Variants in LRBA observed in about 807,000 individuals in gnomAD.
LRBA encodes LPS responsive beige-like anchor protein.
LRBA carries 176 observed loss-of-function variants against 330.0 expected under a neutral mutation model. The observed-to-expected ratio is 0.53, with a 90% CI of 0.47 to 0.60. The LOEUF is 0.60. Ranked by LOEUF, LRBA falls within the 20% of genes least tolerant of loss-of-function variation. The pLI, the probability that LRBA is intolerant of heterozygous loss-of-function variation, is 0.00. For synonymous variants in LRBA, 1,230 were observed against 1,193.0 expected (o/e 1.03, Z -0.64); for missense variants, 3,259 against 3,444.8 (o/e 0.95, Z 1.35).
intron 40 of LRBA, among the ~76,000 whole-genome samples, chr4:150,516,639 T>A (rs999897964): frequency 6.6e-6 from 1 of 152,018 alleles, no homozygotes; most frequent in African/African-American, 2.4e-5. Flanking sequence ...TCCAGCATTT[T>A]AAAAATGCTG....
chr4:150,533,215 C>T (rs1254308617), intron 40 of LRBA, among the ~76,000 whole-genome samples: 2 of 152,110 alleles, frequency 1.3e-5, no homozygotes, highest in Non-Finnish European at 2.9e-5. Flanking sequence ...GACAGGGTCT[C>T]AGTCACCCAG....
At chr4:150,708,386 A>T (rs1372661633) in intron 36 of LRBA, among the ~76,000 whole-genome samples, 1 of 151,834 alleles carries the variant, frequency 6.6e-6, no homozygotes, top group Admixed American at 6.6e-5. Flanking sequence ...TTATCTTTTC[A>T]ATAATTCACT....
intron 34 of LRBA, among the ~76,000 whole-genome samples, chr4:150,763,767 G>T (rs1415749138): frequency 1.3e-5 from 2 of 151,790 alleles, no homozygotes; most frequent in Non-Finnish European, 2.9e-5. Flanking sequence ...CACAAGAACA[G>T]TAGAACAGGA....
At chr4:150,312,897 CAAGT>C (rs942962535) in intron 51 of LRBA, among the ~76,000 whole-genome samples, 3 of 151,966 alleles carry the variant, frequency 2.0e-5, no homozygotes, top group East Asian at 1.9e-4. Flanking sequence ...TCTATAAAAA[CAAGT>C]AAGATAGACC....
chr4:150,984,584 C>T (rs1741221232), intron 2 of LRBA, among the ~76,000 whole-genome samples: 2 of 152,114 alleles, frequency 1.3e-5, no homozygotes, highest in Non-Finnish European at 2.9e-5. Context: ...TCTTAATTGA[C>T]ATGCCATCTG....
rs1171597119 is a variant in LRBA at position 150,583,990 on chromosome 4, C to G, written c.6330+4058G>C. On this transcript the variant is annotated intron_variant, in intron 40 of 56. Coordinates refer to ENST00000651943, the MANE Select transcript of LRBA (RefSeq NM_001364905.1). This position sits in a 1 kb window ranked among gnomAD's most constrained non-coding sequence, Gnocchi z 9.8. ...GTGCCGCCGCTGCCCTCACTACTTT[C>G]TGCCCAACCTCGACCTCTTTCAGGG... 5.6e-6 allele frequency: 9 copies of G among 1,614,062 alleles called. No individual in the cohort carries two copies. The highest frequency in any genetic ancestry group is 7.6e-6 in the Non-Finnish European group (9 of 1,180,024).
intron 17 of LRBA, among the ~76,000 whole-genome samples, chr4:150,888,020 G>A (rs1025830824): frequency 1.3e-5 from 2 of 151,756 alleles, no homozygotes; most frequent in Non-Finnish European, 2.9e-5. Flanking sequence ...TTGAAAGCAA[G>A]TGCAGAAATC....
At chr4:150,685,754 C>CTCCCTA (rs1232267785) in intron 36 of LRBA, among the ~76,000 whole-genome samples, 34 of 151,822 alleles carry the variant, frequency 2.2e-4, no homozygotes, top group Admixed American at 9.2e-4. Context: ...ATATCTTAGT[C>CTCCCTA]TGTGCAAAAC....
Position 150,849,491 on chromosome 4 carries a change from T to G in LRBA, c.4089A>C (p.Gln1363His), listed in dbSNP as rs1312898768. The change falls in exon 25 of 57, where the codon CAA (glutamine) becomes CAC (histidine). Residue 1363 changes from glutamine to histidine, a missense_variant. Coordinates refer to ENST00000651943, the MANE Select transcript of LRBA (RefSeq NM_001364905.1). ...AAGCCATGACCATATTGTCCATCACTTGAGAGATGAGATGAATTGTGTTGT... is the reference window on the plus strand; with the variant it reads ...AAGCCATGACCATATTGTCCATCACGTGAGAGATGAGATGAATTGTGTTGT... ...FVHNTIHLISQVMDNMVMACG... is the reference protein window; with the variant it reads ...FVHNTIHLISHVMDNMVMACG... 2 of 1,613,346 alleles carry G rather than the reference T, an allele frequency of 1.2e-6. No individual in the cohort carries two copies. The highest frequency in any genetic ancestry group is 1.7e-6 in the Non-Finnish European group (2 of 1,179,292).
intron 40 of LRBA, among the ~76,000 whole-genome samples, chr4:150,508,129 T>TGA (rs1761350616): frequency 6.9e-6 from 1 of 144,532 alleles, no homozygotes; most frequent in Non-Finnish European, 1.5e-5. Flanking sequence ...TAATGCTAAA[T>TGA]GACGAGTTAA....
chr4:150,801,861 A>G (rs1414075264), intron 33 of LRBA, among the ~76,000 whole-genome samples: 1 of 152,088 alleles, frequency 6.6e-6, no homozygotes, highest in East Asian at 1.9e-4. Context: ...TGAGACTGCA[A>G]GTTTATACTT....
At chr4:151,015,055 C>T (rs373357344) in intron 1 of LRBA, 147 bp downstream of exon 1, 20 of 166,396 alleles carry the variant, frequency 1.2e-4, no homozygotes, top group African/African-American at 4.7e-4. Context: ...CAGGCTCACT[C>T]CTCCCCCACT....
intron 17 of LRBA, among the ~76,000 whole-genome samples, chr4:150,885,347 G>A (rs539222644): frequency 3.3e-5 from 5 of 152,204 alleles, no homozygotes; most frequent in East Asian, 1.9e-4. Flanking sequence ...CCACTAGGCC[G>A]GGCACAGTGG....
chr4:150,299,825 T>C (rs1729429573), intron 53 of LRBA, among the ~76,000 whole-genome samples: 1 of 152,048 alleles, frequency 6.6e-6, no homozygotes, highest in Admixed American at 6.6e-5. Flanking sequence ...ATAAAAAATT[T>C]AAAGTTGAGG....
chr4:150,291,760 A>C (rs1444535002), intron 53 of LRBA, among the ~76,000 whole-genome samples: 14 of 148,658 alleles, frequency 9.4e-5, no homozygotes, highest in African/African-American at 3.5e-4. Context: ...GCTGCTATAA[A>C]GACACATGCA....
At chr4:150,868,133 C>G (rs1393081218) in intron 21 of LRBA, 49 bp downstream of exon 21, 10 of 1,541,702 alleles carry the variant, frequency 6.5e-6, no homozygotes, top group African/African-American at 1.4e-5. Flanking sequence ...TGGGCTTATA[C>G]AAAAGTACAT....
chr4:150,683,154 A>AAC (rs1783199605), intron 37 of LRBA, among the ~76,000 whole-genome samples: 1 of 152,184 alleles, frequency 6.6e-6, no homozygotes, highest in Non-Finnish European at 1.5e-5. Context: ...ACTAAAAAAT[A>AAC]TAAAAAGAGC....
chr4:150,517,760 A>G (rs950817471), intron 40 of LRBA, among the ~76,000 whole-genome samples: 6 of 152,186 alleles, frequency 3.9e-5, no homozygotes, highest in African/African-American at 1.4e-4. Context: ...TAGTATTTGT[A>G]TAAAGTAGAA....
At chr4:150,382,119 C>A (rs1378243354) in intron 47 of LRBA, among the ~76,000 whole-genome samples, 1 of 152,180 alleles carries the variant, frequency 6.6e-6, no homozygotes, top group Non-Finnish European at 1.5e-5. Flanking sequence ...TGTCTTTTCA[C>A]TTTCCAAGTC....
Sources: gnomAD v4.1 joint callset for allele counts (sites outside exome capture counted in the v4.1 genomes callset) on GRCh38, gnomAD v4.1.1 for gene constraint, Gnocchi (gnomAD v3.1) non-coding constraint, MANE v1.5 for transcripts, NCBI Gene and HGNC (gene_info 2026-07-23, HGNC 2026-07-21) for gene names.